CSRNP3: variants seen among roughly 807,000 people sequenced by gnomAD.
The protein encoded by CSRNP3 is cysteine/serine-rich nuclear protein 3.
CSRNP3 carries 12 observed loss-of-function variants against 48.0 expected under a neutral mutation model. The observed-to-expected ratio is 0.25, with a 90% CI of 0.16 to 0.41. The LOEUF is 0.41. CSRNP3 is among the 10% of genes least tolerant of loss of function. The probability of loss-of-function intolerance (pLI) is 1.00; values close to 1 mark genes in which losing one functional copy is unlikely to be tolerated. For missense variants in CSRNP3, 580 were observed against 724.4 expected, an observed-to-expected ratio of 0.80 and a Z score of 2.29; for synonymous variants, 263 against 269.7, an observed-to-expected ratio of 0.98 and a Z score of 0.24.
At chr2:165,510,659 G>A (rs977606634) in intron 2 of CSRNP3, among the ~76,000 whole-genome samples, 2 of 152,134 alleles carry the variant, frequency 1.3e-5, no homozygotes, top group Non-Finnish European at 2.9e-5. Flanking sequence ...ATATAAAGAA[G>A]CCCAGAGAGG....
chr2:165,518,183 T>A (rs1376473274), intron 3 of CSRNP3, among the ~76,000 whole-genome samples: 1 of 151,990 alleles, frequency 6.6e-6, no homozygotes, highest in Non-Finnish European at 1.5e-5. Context: ...AACTACTGGT[T>A]CTTATAATTT....
chr2:165,561,897 A>G (rs1685238656), intron 3 of CSRNP3, among the ~76,000 whole-genome samples: 1 of 152,138 alleles, frequency 6.6e-6, no homozygotes, highest in Non-Finnish European at 1.5e-5. Context: ...ATTATGTTAA[A>G]TACTAATAAA....
intron 3 of CSRNP3, among the ~76,000 whole-genome samples, chr2:165,534,295 A>G (rs1274012444): frequency 1.3e-5 from 2 of 151,902 alleles, no homozygotes; most frequent in African/African-American, 4.8e-5. Context: ...GCTGATGCAC[A>G]TTTTTTGGTA....
rs151010432 is a variant in CSRNP3 at position 165,675,992 on chromosome 2, T to A, written c.409-320T>A. Among the ~76,000 whole-genome samples the A allele has an allele frequency of 7.7e-3, 1,167 of 152,304 alleles. 43 individuals are homozygous for A. The highest frequency in any genetic ancestry group is 0.064 in the Admixed American group (981 of 15,290). On this transcript the variant is annotated intron_variant, in intron 5 of 6. Coordinates refer to ENST00000651982, the MANE Select transcript of CSRNP3 (RefSeq NM_001172173.2). ...TCATGAAATGAGTCTAAAGATAGTT[T>A]TCACTGATGAGCATTTGTAACCTTT...
At chr2:165,520,434 T>G (rs1684635763) in intron 3 of CSRNP3, among the ~76,000 whole-genome samples, 1 of 152,272 alleles carries the variant, frequency 6.6e-6, no homozygotes. Flanking sequence ...TAGCCGATTT[T>G]GTATGCTGAA....
intron 1 of CSRNP3, among the ~76,000 whole-genome samples, chr2:165,479,372 C>T (rs2105447455): frequency 6.6e-6 from 1 of 152,180 alleles, no homozygotes; most frequent in Admixed American, 6.5e-5. Context: ...ATTTCAAGTG[C>T]CCAAATGCCT....
At position 165,684,186 on chromosome 2, in the gene CSRNP3, A is replaced by T. The variant is rs1190986630; in HGVS notation, c.*4433A>T. 2 of 152,132 alleles carry T rather than the reference A, an allele frequency of 1.3e-5. No homozygotes were observed. The highest frequency in any genetic ancestry group is 2.9e-5 in the Non-Finnish European group (2 of 68,004). The allele number at this position is 152,132 out of a possible 1,614,324, so 9.4% of individuals were successfully genotyped here. A position where few individuals can be genotyped will look rare whatever the true frequency, so the allele number is the denominator to read the frequency against. On this transcript the variant is annotated 3_prime_UTR_variant, in exon 7 of 7. Transcript: ENST00000651982. ...TCAAAACAGCAAAATCCTGTTGCAAATTCCAAAGACATCACTTTGCAGCAG... is the reference window on the plus strand; with the variant it reads ...TCAAAACAGCAAAATCCTGTTGCAATTTCCAAAGACATCACTTTGCAGCAG...
intron 3 of CSRNP3, among the ~76,000 whole-genome samples, chr2:165,537,473 CATATT>C (rs748959056): frequency 6.7e-6 from 1 of 149,486 alleles, no homozygotes; most frequent in Non-Finnish European, 1.5e-5. Context: ...AAATCAATGT[CATATT>C]ATAAGTAGCT....
chr2:165,666,118 AGAGAAAGG>A (rs1687191179), intron 5 of CSRNP3, among the ~76,000 whole-genome samples: 2 of 135,574 alleles, frequency 1.5e-5, no homozygotes, highest in African/African-American at 2.7e-5. Flanking sequence ...AGAAAGAGAG[AGAGAAAGG>A]AAGGAAGGAA....
intron 3 of CSRNP3, among the ~76,000 whole-genome samples, chr2:165,543,049 C>A (rs1156267620): frequency 1.3e-5 from 2 of 152,048 alleles, no homozygotes; most frequent in African/African-American, 2.4e-5. Flanking sequence ...TGGCTGTGTC[C>A]TCTCCTGAGT....
chr2:165,479,575 A>G (rs1162081428), intron 1 of CSRNP3, among the ~76,000 whole-genome samples: 3 of 152,180 alleles, frequency 2.0e-5, no homozygotes, highest in African/African-American at 7.2e-5. Flanking sequence ...CATAAACTTA[A>G]CAACTTAAAA....
intron 3 of CSRNP3, among the ~76,000 whole-genome samples, chr2:165,538,815 G>A (rs959576182): frequency 6.6e-6 from 1 of 151,900 alleles, no homozygotes; most frequent in African/African-American, 2.4e-5. Context: ...TGTGAACACT[G>A]TCTTAGAGAT....
intron 3 of CSRNP3, among the ~76,000 whole-genome samples, chr2:165,547,264 A>G (rs1685042838): frequency 6.6e-6 from 1 of 152,198 alleles, no homozygotes; most frequent in African/African-American, 2.4e-5. Flanking sequence ...TATCACAAAG[A>G]ATGCTACAAT....
At chr2:165,530,150 G>A (rs1030550316) in intron 3 of CSRNP3, among the ~76,000 whole-genome samples, 1 of 152,080 alleles carries the variant, frequency 6.6e-6, no homozygotes, top group Non-Finnish European at 1.5e-5. Flanking sequence ...AATTTTGAAG[G>A]TAAAGTATGT....
chr2:165,556,937 C>T (rs1017472672), intron 3 of CSRNP3, among the ~76,000 whole-genome samples: 4 of 152,152 alleles, frequency 2.6e-5, no homozygotes, highest in African/African-American at 4.8e-5. Flanking sequence ...AATTGACTAA[C>T]TTATCTATTT....
chr2:165,554,549 T>G (rs1309839009), intron 3 of CSRNP3, among the ~76,000 whole-genome samples: 1 of 152,206 alleles, frequency 6.6e-6, no homozygotes. Context: ...TTATTGTAAT[T>G]GGACAGGTGA....
chr2:165,609,173 A>C (rs1005537583), intron 4 of CSRNP3, among the ~76,000 whole-genome samples: 2 of 136,752 alleles, frequency 1.5e-5, no homozygotes, highest in Admixed American at 1.5e-4. Flanking sequence ...TTCTACTTAG[A>C]GGCCAGGCGC....
In CSRNP3 at chr2:165,526,549, A is replaced by G. The variant is rs16850839; in HGVS notation, c.-24+8588A>G. On this transcript the variant is annotated intron_variant, in intron 3 of 6. Transcript: ENST00000651982. ...TAGGAATCAAAAACATTTGCTCTAT[A>G]ATGGTCATTTGAAAATATAAAGCTT... 4.9e-3 allele frequency among the ~76,000 whole-genome samples: 749 copies of G among 152,332 alleles called. 16 individuals are homozygous for G. Among genetic ancestry groups the G allele is most frequent in the East Asian group, 0.037 (194 of 5,188 alleles).
intron 4 of CSRNP3, among the ~76,000 whole-genome samples, chr2:165,614,106 C>G (rs1056769811): frequency 1.2e-4 from 19 of 152,072 alleles, no homozygotes; most frequent in African/African-American, 4.6e-4. Context: ...TTTCATCACA[C>G]CACTATGCCT....
Sources: allele counts gnomAD v4.1 joint callset (sites outside exome capture counted in the v4.1 genomes callset), GRCh38; gene constraint gnomAD v4.1.1; transcripts MANE v1.5; gene names NCBI Gene and HGNC (gene_info 2026-07-23, HGNC 2026-07-21).